The following IFT140 variants were observed in gnomAD, a reference collection of about 807,000 sequenced individuals.
IFT140 encodes intraflagellar transport 140, also known as intraflagellar transport protein 140 homolog.
IFT140 carries 133 observed loss-of-function variants against 164.6 expected under a neutral mutation model. That is an observed-to-expected ratio of 0.81 (90% CI 0.70 to 0.93). The LOEUF is 0.93. Among genes scored for constraint, IFT140 ranks in the 40% least tolerant of loss-of-function variants. IFT140 has a pLI of 0.00. For missense variants in IFT140, 2,045 were observed against 1,972.3 expected (o/e 1.04, Z -0.70); for synonymous variants, 860 against 817.3 (o/e 1.05, Z -0.89).
chr16:1,572,519 G>T (rs1037687726), intron 13 of IFT140, among the ~76,000 whole-genome samples: 6 of 152,198 alleles, frequency 3.9e-5, no homozygotes, highest in African/African-American at 1.4e-4. Flanking sequence ...GGCGGTGGGT[G>T]CCTGTAGTCC....
intron 30 of IFT140, 33 bp from the exon 31 acceptor site, chr16:1,511,183 C>T (rs370714873): frequency 7.7e-5 from 121 of 1,567,758 alleles, no homozygotes; most frequent in Middle Eastern, 1.7e-4. Context: ...ACTCAGCTTT[C>T]CTGAACAACC....
intron 14 of IFT140, among the ~76,000 whole-genome samples, chr16:1,570,845 T>A (rs1326280546): frequency 6.6e-6 from 1 of 152,130 alleles, no homozygotes; most frequent in Admixed American, 6.5e-5. Context: ...AACCTCGATC[T>A]CCGAGGCTCA....
intron 30 of IFT140, among the ~76,000 whole-genome samples, chr16:1,513,931 C>G (rs1016502952): frequency 1.3e-5 from 2 of 150,422 alleles, no homozygotes; most frequent in Non-Finnish European, 3.0e-5. Flanking sequence ...CCTTGGCCTC[C>G]CAAAGTGCTG....
rs2040132008 is a variant in IFT140, at chr16:1,511,129, TCTC to T, written c.4201_4203del (p.Glu1401del). 6.2e-7 allele frequency: 1 copy of T among 1,608,564 alleles called. No individual in the cohort carries two copies. Among genetic ancestry groups the T allele is most frequent in the African/African-American group, 1.3e-5 (1 of 74,884 alleles). On this transcript the variant is annotated inframe_deletion, in exon 31 of 31. Transcript: ENST00000426508. ...TTGGCCAAGGGAAGCCGCCGCCGCA[TCTC>T]CTCCAGGAATCTGTAGGCCTGGGGC...
At chr16:1,546,532 G>A (rs749828522) in intron 19 of IFT140, among the ~76,000 whole-genome samples, 3 of 152,212 alleles carry the variant, frequency 2.0e-5, no homozygotes, top group Non-Finnish European at 4.4e-5. Context: ...TTATTCCAGC[G>A]TCTCTCTGAA....
intron 2 of IFT140, among the ~76,000 whole-genome samples, chr16:1,608,420 G>A (rs1369416295): frequency 6.6e-6 from 1 of 151,784 alleles, no homozygotes; most frequent in Non-Finnish European, 1.5e-5. Flanking sequence ...CCTGAGCTTA[G>A]GAGTTCGAGA....
chr16:1,606,176 T>G (rs2036051056), intron 3 of IFT140, among the ~76,000 whole-genome samples: 1 of 152,220 alleles, frequency 6.6e-6, no homozygotes, highest in Non-Finnish European at 1.5e-5. Context: ...TCCTGTTGTT[T>G]AAAGCCACCC....
chr16:1,599,202 G>A (rs2035630537), intron 4 of IFT140, among the ~76,000 whole-genome samples: 1 of 83,330 alleles, frequency 1.2e-5, no homozygotes, highest in Non-Finnish European at 2.2e-5. Flanking sequence ...GAGAAGTGAG[G>A]AGCCCCTCCG....
intron 19 of IFT140, among the ~76,000 whole-genome samples, chr16:1,538,018 CAGCCACGCAG>C (rs755034925): frequency 2.1e-3 from 325 of 152,338 alleles, no homozygotes; most frequent in African/African-American, 3.0e-3. Flanking sequence ...CTACCACGCA[CAGCCACGCAG>C]AGCCACGCAG....
intron 4 of IFT140, among the ~76,000 whole-genome samples, chr16:1,599,251 C>T: frequency 1.2e-5 from 1 of 85,488 alleles, no homozygotes; most frequent in Admixed American, 1.1e-4. Context: ...GGAGCCTCTC[C>T]GCCCAGCAGC....
At chr16:1,608,813 T>G (rs956925701) in intron 2 of IFT140, among the ~76,000 whole-genome samples, 2 of 152,046 alleles carry the variant, frequency 1.3e-5, no homozygotes, top group African/African-American at 2.4e-5. Flanking sequence ...ACTCCTGGGC[T>G]CAAGTGATCC....
intron 26 of IFT140, among the ~76,000 whole-genome samples, chr16:1,521,838 C>T (rs1047465911): frequency 2.1e-4 from 30 of 146,142 alleles, no homozygotes; most frequent in African/African-American, 7.4e-4. Flanking sequence ...CTGGGCAACA[C>T]AGTCAGACCC....
In IFT140 at chr16:1,524,606, C is replaced by T. The variant is rs139078766; in HGVS notation, c.3087G>A (p.Ala1029=). The change falls in exon 24 of 31, where the codon GCG becomes GCA. Residue 1029 remains alanine, a synonymous_variant. Transcript: ENST00000426508. ...CCTGTGCCCGGGTGTAGAAGTGCAC[C>T]GCCTGCCCGACCTCCTCCTGGCTCT... ...QYESQEEVGQ[A]VHFYTRAQAF... 4.4e-5 allele frequency: 70 copies of T among 1,605,706 alleles called. 1 individual carries two copies. Among genetic ancestry groups the T allele is most frequent in the South Asian group, 2.1e-4 (19 of 90,638 alleles).
intron 13 of IFT140, chr16:1,577,468 G>A (rs184668677): frequency 6.6e-6 from 1 of 152,308 alleles, no homozygotes; most frequent in Admixed American, 6.5e-5. Context: ...TGCGAGTACT[G>A]CAATTCTGGC....
chr16:1,541,855 T>G, intron 19 of IFT140: 2 of 1,482,918 alleles, frequency 1.3e-6, no homozygotes, highest in South Asian at 2.7e-5. Context: ...GAAAGTGGCG[T>G]GACGGCTGGC....
At chr16:1,602,197 A>C (rs2035828260) in intron 4 of IFT140, 173 bp downstream of exon 4, 2 of 634,148 alleles carry the variant, frequency 3.2e-6, no homozygotes, top group Middle Eastern at 7.3e-4. Flanking sequence ...TTTGCCACAG[A>C]GTGGCAAATT....
At chr16:1,539,150 C>T (rs1303964426) in intron 19 of IFT140, among the ~76,000 whole-genome samples, 3 of 151,366 alleles carry the variant, frequency 2.0e-5, no homozygotes, top group Non-Finnish European at 3.0e-5. Context: ...CGCCTCAGGC[C>T]TCACCAAGCT....
chr16:1,528,350 CACGCACGTGTGCACACACACGCAT>C (rs2029984312), intron 19 of IFT140, among the ~76,000 whole-genome samples: 1 of 131,556 alleles, frequency 7.6e-6, no homozygotes, highest in South Asian at 2.2e-4. Context: ...CACACGCATG[CACGCACGTGTGCACACACACGCAT>C]GCACGCACGT....
At position 1,584,265 on chromosome 16, in the gene IFT140, T is replaced by C. The variant is rs2034744271; in HGVS notation, c.1311A>G (p.Ala437=). ...LNVCFLSTGV[A]HSLRTDMHIS... ...TGTGCATGTCGGTGCGCAGGCTGTG[T>C]GCGACCCCCGTGGACAGGAAGCACA... The change falls in exon 11 of 31, where the codon GCA becomes GCG. Residue 437 remains alanine (A), a synonymous_variant. Coordinates refer to ENST00000426508, the MANE Select transcript of IFT140 (RefSeq NM_014714.4). 1.2e-6 allele frequency: 2 copies of C among 1,613,706 alleles called. No homozygotes were observed. The highest frequency in any genetic ancestry group is 1.7e-5 in the Admixed American group (1 of 59,992).
Sources: allele counts gnomAD v4.1 joint callset (sites outside exome capture counted in the v4.1 genomes callset), GRCh38; gene constraint gnomAD v4.1.1; transcripts MANE v1.5; gene names NCBI Gene and HGNC (gene_info 2026-07-23, HGNC 2026-07-21).